RGL1: variants seen among roughly 807,000 people sequenced by gnomAD.
The protein encoded by RGL1 is ral guanine nucleotide dissociation stimulator like 1, also known as ral guanine nucleotide dissociation stimulator-like 1.
RGL1 carries 24 observed loss-of-function variants against 95.2 expected under a neutral mutation model. The ratio of observed to expected loss-of-function variants is 0.25; its 90% CI spans 0.18 to 0.35. RGL1 has a LOEUF of 0.35. RGL1 is among the 10% of genes least tolerant of loss of function. RGL1 has a pLI of 1.00. For missense variants in RGL1, 715 were observed against 936.3 expected (o/e 0.76, Z 3.08); for synonymous variants, 329 against 344.9 (o/e 0.95, Z 0.51).
At chr1:183,657,823 G>A (rs1439743429) in intron 1 of RGL1, among the ~76,000 whole-genome samples, 2 of 151,740 alleles carry the variant, frequency 1.3e-5, no homozygotes, top group Non-Finnish European at 2.9e-5. Flanking sequence ...GGATGGCTGG[G>A]TCAAATGGTA....
chr1:183,706,760 C>T (rs1269993650), intron 1 of RGL1, among the ~76,000 whole-genome samples: 1 of 152,202 alleles, frequency 6.6e-6, no homozygotes, highest in African/African-American at 2.4e-5. Flanking sequence ...GCATTTGAAA[C>T]TCTGCCTGTT....
intron 3 of RGL1, among the ~76,000 whole-genome samples, chr1:183,857,972 G>A (rs546750095): frequency 1.4e-3 from 209 of 152,276 alleles, no homozygotes; most frequent in Middle Eastern, 3.4e-3. Context: ...TTCTTGAAAT[G>A]GGATTTATAA....
At chr1:183,879,173 T>A (rs1454416674) in intron 4 of RGL1, among the ~76,000 whole-genome samples, 1 of 152,202 alleles carries the variant, frequency 6.6e-6, no homozygotes, top group East Asian at 1.9e-4. Flanking sequence ...ATATTATAGT[T>A]CCAAATGCTT....
intron 1 of RGL1, among the ~76,000 whole-genome samples, chr1:183,676,231 T>C (rs1029076963): frequency 6.6e-6 from 1 of 152,144 alleles, no homozygotes; most frequent in African/African-American, 2.4e-5. Flanking sequence ...TATCAGAGTA[T>C]ATCACAAGTA....
At position 183,916,541 on chromosome 1, in the gene RGL1, C is replaced by T. The variant is rs755849457; in HGVS notation, c.1844C>T (p.Pro615Leu). ...SSLINPLSSPPSCNNNPKIHK... is the reference protein window; with the variant it reads ...SSLINPLSSPLSCNNNPKIHK... ...TTAATCAACCCCCTCTCCTCCCCTC[C>T]GTCCTGCAACAACAACCCCAAAATC... The change falls in exon 16 of 18, where the codon CCG (proline) becomes CTG (leucine). Residue 615 changes from proline (P) to leucine (L), a missense_variant. Physicochemically the swap from Pro to Leu is moderately conservative, Grantham distance 98. This residue lies in a region of RGL1 where 330 missense variants were observed against 429.6 expected (regional missense o/e 0.77). Transcript: ENST00000360851. 131 of 1,613,770 alleles carry T rather than the reference C, an allele frequency of 8.1e-5. No homozygotes were observed. The highest frequency in any genetic ancestry group is 1.1e-4 in the Non-Finnish European group (128 of 1,179,996).
At chr1:183,757,812 G>C (rs545370522) in intron 2 of RGL1, among the ~76,000 whole-genome samples, 1 of 152,326 alleles carries the variant, frequency 6.6e-6, no homozygotes, top group South Asian at 2.1e-4. Flanking sequence ...ATACATAGCT[G>C]TTTGGTGGCA....
At chr1:183,869,654 A>G (rs1228880829) in intron 4 of RGL1, among the ~76,000 whole-genome samples, 1 of 149,212 alleles carries the variant, frequency 6.7e-6, no homozygotes. Flanking sequence ...ATTGTTTTTC[A>G]TCTCACTTCA....
At chr1:183,723,492 GT>G (rs1463879685) in intron 1 of RGL1, among the ~76,000 whole-genome samples, 6 of 152,216 alleles carry the variant, frequency 3.9e-5, no homozygotes, top group African/African-American at 1.4e-4. Flanking sequence ...AAGAGAATCT[GT>G]GCTCTTGCGG....
intron 2 of RGL1, among the ~76,000 whole-genome samples, chr1:183,788,211 C>T (rs537212545): frequency 6.6e-6 from 1 of 152,276 alleles, no homozygotes; most frequent in East Asian, 1.9e-4. Context: ...TGAGAAGTCA[C>T]ATATCTGCTG....
chr1:183,906,942 A>T (rs2102714751), intron 13 of RGL1, 70 bp from the exon 14 acceptor site: 2 of 849,578 alleles, frequency 2.4e-6, no homozygotes, highest in African/African-American at 3.3e-5. Context: ...AAACCAGGAC[A>T]TCATGTGAAT....
chr1:183,653,648 T>G (rs768421224), intron 1 of RGL1, among the ~76,000 whole-genome samples: 52 of 152,210 alleles, frequency 3.4e-4, no homozygotes, highest in Non-Finnish European at 3.5e-4. Context: ...GAGCAGAGAG[T>G]TGACTTCCTC....
chr1:183,830,687 A>AAT (rs1354753625), intron 2 of RGL1, among the ~76,000 whole-genome samples: 2 of 151,520 alleles, frequency 1.3e-5, no homozygotes, highest in Admixed American at 6.6e-5. Context: ...TTCTGGAGAA[A>AAT]AAAAAACCCA....
chr1:183,671,995 CG>C (rs1243558794), intron 1 of RGL1, among the ~76,000 whole-genome samples: 1 of 150,178 alleles, frequency 6.7e-6, no homozygotes, highest in Non-Finnish European at 1.5e-5. Context: ...TGCAGTGGCG[CG>C]ATCTTGGCTC....
chr1:183,751,385 GCCTCAGTA>G (rs1346734538), intron 2 of RGL1, among the ~76,000 whole-genome samples: 2 of 152,194 alleles, frequency 1.3e-5, no homozygotes, highest in African/African-American at 2.4e-5. Flanking sequence ...GCCTATTCAA[GCCTCAGTA>G]ATGGTGGATG....
intron 2 of RGL1, among the ~76,000 whole-genome samples, chr1:183,749,047 G>A (rs149190098): frequency 1.4e-4 from 22 of 152,206 alleles, no homozygotes; most frequent in South Asian, 4.2e-4. Flanking sequence ...CAATTATGTC[G>A]TCAATTTTAG....
At chr1:183,745,745 T>C (rs552104686) in intron 2 of RGL1, among the ~76,000 whole-genome samples, 1 of 152,246 alleles carries the variant, frequency 6.6e-6, no homozygotes, top group Admixed American at 6.5e-5. Flanking sequence ...TTTTGGAAAC[T>C]GCATTTTCCA....
chr1:183,811,263 A>G (rs1390858309), intron 2 of RGL1, among the ~76,000 whole-genome samples: 1 of 152,186 alleles, frequency 6.6e-6, no homozygotes, highest in Non-Finnish European at 1.5e-5. Flanking sequence ...CAAGAGGTCC[A>G]GTTGTACTTC....
At chr1:183,690,052 G>C (rs1653849064) in intron 1 of RGL1, among the ~76,000 whole-genome samples, 1 of 152,168 alleles carries the variant, frequency 6.6e-6, no homozygotes, top group Non-Finnish European at 1.5e-5. Flanking sequence ...GAAGGAGCTT[G>C]GAAAGGCTTC....
intron 10 of RGL1, among the ~76,000 whole-genome samples, chr1:183,899,530 C>T (rs1053574107): frequency 6.6e-5 from 10 of 152,214 alleles, no homozygotes; most frequent in Non-Finnish European, 7.3e-5. Context: ...GTGCCCTTCT[C>T]ATCACATCAC....
Sources: gnomAD v4.1 joint callset for allele counts (sites outside exome capture counted in the v4.1 genomes callset) on GRCh38, gnomAD v4.1.1 for gene constraint, gnomAD v4.1.1 regional missense constraint, MANE v1.5 for transcripts, NCBI Gene and HGNC (gene_info 2026-07-23, HGNC 2026-07-21) for gene names.